Variants in PITPNM2 observed in about 807,000 individuals in gnomAD.
PITPNM2 encodes the protein phosphatidylinositol transfer protein membrane associated 2.
PITPNM2 carries 35 observed loss-of-function variants against 132.2 expected under a neutral mutation model. The ratio of observed to expected loss-of-function variants is 0.26; its 90% CI spans 0.20 to 0.35. The LOEUF (loss-of-function observed/expected upper bound fraction) is 0.35, where lower values mean the gene tolerates loss of function less well. Ranked by LOEUF, PITPNM2 falls within the 10% of genes least tolerant of loss-of-function variation. PITPNM2 has a pLI of 1.00. For synonymous variants in PITPNM2, 738 were observed against 799.2 expected (o/e 0.92, Z 1.29); for missense variants, 1,332 against 1,912.0 (o/e 0.70, Z 5.66).
At position 123,117,408 on chromosome 12, in the gene PITPNM2, CCT is replaced by C. The variant is rs68039205; in HGVS notation, c.-199-6922_-199-6921del. Among the ~76,000 whole-genome samples, 1,357 of 152,200 alleles carry C rather than the reference CCT, an allele frequency of 8.9e-3. 13 individuals are homozygous for C. Among genetic ancestry groups the C allele is most frequent in the Non-Finnish European group, 0.014 (927 of 68,020 alleles). Reference sequence around the variant, plus strand: ...GTGGACAGAGATATGGATGGGATTCCCTGAGTGCAGTGAAGTGATCATTGGCA... The same window carrying C: ...GTGGACAGAGATATGGATGGGATTCCGAGTGCAGTGAAGTGATCATTGGCA... On this transcript the variant is annotated intron_variant, in intron 1 of 25. Transcript: ENST00000320201. The surrounding 1 kb of genome is among the most constrained non-coding windows in gnomAD (Gnocchi z 4.7).
Position 123,005,180 on chromosome 12 carries a change from G to T in PITPNM2, c.952+60C>A. On this transcript the variant is annotated intron_variant, in intron 7 of 25. Transcript: ENST00000320201. The surrounding 1 kb of genome is among the most constrained non-coding windows in gnomAD (Gnocchi z 6.2). ...AGGAGGTGCAGTGATCCAGCAGTGT[G>T]TGGGGCTGCCTTGAGGGGAGGGACC... 1.9e-6 allele frequency: 3 copies of T among 1,548,250 alleles called. No individual in the cohort carries two copies. Among genetic ancestry groups the T allele is most frequent in the Non-Finnish European group, 1.8e-6 (2 of 1,138,414 alleles).
chr12:123,065,379 ACAGGGCTCTGC>A (rs1327157655), intron 2 of PITPNM2, among the ~76,000 whole-genome samples: 1 of 152,226 alleles, frequency 6.6e-6, no homozygotes, highest in African/African-American at 2.4e-5. Flanking sequence ...GGGACAGCGC[ACAGGGCTCTGC>A]CCAGAGCAGG....
At chr12:123,138,018 G>A (rs975152820) in intron 1 of PITPNM2, among the ~76,000 whole-genome samples, 2 of 152,172 alleles carry the variant, frequency 1.3e-5, no homozygotes, top group African/African-American at 4.8e-5. Context: ...TAGTTCAGTT[G>A]TCTTTTGTTG....
chr12:123,031,862 C>A lies in PITPNM2; in HGVS notation c.78+2651G>T, dbSNP rs927371238. Among the ~76,000 whole-genome samples, 3 of 152,238 alleles carry A rather than the reference C, an allele frequency of 2.0e-5. No homozygotes were observed. The highest frequency in any genetic ancestry group is 4.4e-5 in the Non-Finnish European group (3 of 68,048). On this transcript the variant is annotated intron_variant, in intron 3 of 25. Coordinates refer to ENST00000320201, the MANE Select transcript of PITPNM2 (RefSeq NM_020845.3). The surrounding 1 kb of genome is among the most constrained non-coding windows in gnomAD (Gnocchi z 4.5). The stretch of plus-strand genomic sequence containing the variant: ...CACCCAGAAGGTGCACAGGGAAAGG[C>A]TCTGGAAGCTCAGAGGAGCAGCAAT...
chr12:123,136,125 AC>A (rs1209128304), intron 1 of PITPNM2, among the ~76,000 whole-genome samples: 2 of 151,894 alleles, frequency 1.3e-5, no homozygotes, highest in Non-Finnish European at 2.9e-5. Flanking sequence ...ACTTGGTGAA[AC>A]CCTGTCTCTA....
At position 122,991,878 on chromosome 12, in the gene PITPNM2, G is replaced by T. The variant is rs1004135389; in HGVS notation, c.2404+621C>A. 4 of 1,313,526 alleles carry T rather than the reference G, an allele frequency of 3.0e-6. No individual in the cohort carries two copies. The African/African-American group carries it at 6.0e-5, about 20-fold the overall frequency. 81.4% of individuals were successfully genotyped at this position (1,313,526 alleles called of 1,614,324 possible). On this transcript the variant is annotated intron_variant, in intron 16 of 25. Coordinates refer to ENST00000320201, the MANE Select transcript of PITPNM2 (RefSeq NM_020845.3). The stretch of plus-strand genomic sequence containing the variant: ...GGGCCGCCCTCCAGGACCAGCTCAG[G>T]GTTTCTCTGCACGGTCTCGACTGGA...
At chr12:123,113,908 C>G (rs1200689603) in intron 1 of PITPNM2, among the ~76,000 whole-genome samples, 2 of 152,178 alleles carry the variant, frequency 1.3e-5, no homozygotes, top group Non-Finnish European at 2.9e-5. Context: ...ATGGGTTTGC[C>G]TATTCTAGAT....
rs2037814043 is a variant in PITPNM2, at chr12:122,983,665, T to A, written c.*2362A>T. 1 of 147,598 alleles carries A rather than the reference T, an allele frequency of 6.8e-6. No homozygotes were observed. The allele number at this position is 147,598 out of a possible 1,614,324, so 9.1% of individuals were successfully genotyped here. On this transcript the variant is annotated 3_prime_UTR_variant, in exon 26 of 26. Coordinates refer to ENST00000320201, the MANE Select transcript of PITPNM2 (RefSeq NM_020845.3). ...AGGGGCTGAGACGTGAAGGCTGTGA[T>A]GGGGTGGGCAGTGGGACTCAGACCG...
chr12:123,122,059 C>A (rs1341688329), intron 1 of PITPNM2, among the ~76,000 whole-genome samples: 2 of 152,200 alleles, frequency 1.3e-5, no homozygotes, highest in Non-Finnish European at 2.9e-5. Flanking sequence ...ACAATCATCA[C>A]TGCCATCTAC....
At chr12:123,020,887 A>G (rs1325495747) in intron 3 of PITPNM2, among the ~76,000 whole-genome samples, 3 of 151,978 alleles carry the variant, frequency 2.0e-5, no homozygotes, top group Non-Finnish European at 4.4e-5. Context: ...AAAAATAGCC[A>G]GGCGTGGTGG....
rs2038239543 is a variant in PITPNM2 at position 122,992,543 on chromosome 12, C to A, written c.2360G>T (p.Arg787Leu). ...FHALPPFSVP[R>L]YQRYPLGDGC... ...ATCCCCCAGCGGGTAGCGTTGGTAG[C>A]GGGGGACGCTGAAAGGCGGCAGGGC... Residue 787 changes from arginine (R) to leucine (L), a missense_variant, in exon 16 of 26, where the codon CGC (arginine) becomes CTC (leucine). Arg to Leu is a moderately radical substitution (Grantham distance 102, BLOSUM62 -2). Coordinates refer to ENST00000320201, the MANE Select transcript of PITPNM2 (RefSeq NM_020845.3). This position sits in a 1 kb window ranked among gnomAD's most constrained non-coding sequence, Gnocchi z 6.5. The A allele has an allele frequency of 6.2e-7, 1 of 1,611,016 alleles. No individual in the cohort carries two copies. Among genetic ancestry groups the A allele is most frequent in the African/African-American group, 1.3e-5 (1 of 74,768 alleles).
chr12:123,014,112 G>A, intron 3 of PITPNM2, 70 bp from the exon 4 acceptor site: 1 of 1,527,986 alleles, frequency 6.5e-7, no homozygotes, highest in Non-Finnish European at 9.0e-7. Context: ...GGGCACAGGA[G>A]ACTGGGCCCA....
intron 1 of PITPNM2, among the ~76,000 whole-genome samples, chr12:123,135,698 T>C (rs2043365425): frequency 6.6e-6 from 1 of 152,084 alleles, no homozygotes. Flanking sequence ...AGGATTTCCC[T>C]TTTTGTTTGG....
At chr12:123,135,649 A>G (rs2043363864) in intron 1 of PITPNM2, among the ~76,000 whole-genome samples, 2 of 152,236 alleles carry the variant, frequency 1.3e-5, no homozygotes, top group Admixed American at 1.3e-4. Flanking sequence ...TTCATGTAAC[A>G]TAATGTCCTA....
intron 1 of PITPNM2, among the ~76,000 whole-genome samples, chr12:123,129,783 TAGAG>T: frequency 6.6e-6 from 1 of 152,148 alleles, no homozygotes; most frequent in South Asian, 2.1e-4. Context: ...GAAAAATGCA[TAGAG>T]TTCTTGCCTA....
intron 2 of PITPNM2, among the ~76,000 whole-genome samples, chr12:123,044,811 T>C (rs1057365012): frequency 6.6e-6 from 1 of 152,068 alleles, no homozygotes; most frequent in Non-Finnish European, 1.5e-5. Flanking sequence ...GGAGATGGAG[T>C]CTCACTCTTT....
chr12:123,000,946 C>T lies in PITPNM2; in HGVS notation c.1154-98G>A, dbSNP rs1359500906. The T allele has an allele frequency of 2.1e-5, 33 of 1,553,016 alleles. No homozygotes were observed. The highest frequency in any genetic ancestry group is 2.9e-5 in the Non-Finnish European group (33 of 1,126,256). ...TGTGACGAGGGGAGCTTGGGGGTCC[C>T]CAACTCACATGTATGCCCAGCACTG... On this transcript the variant is annotated intron_variant, in intron 9 of 25. Transcript: ENST00000320201. This position sits in a 1 kb window ranked among gnomAD's most constrained non-coding sequence, Gnocchi z 5.4.
chr12:122,985,963 C>T lies in PITPNM2; in HGVS notation c.*64G>A, dbSNP rs2136027778. 7.5e-7 allele frequency: 1 copy of T among 1,334,134 alleles called. No homozygotes were observed. The highest frequency in any genetic ancestry group is 3.1e-5 in the East Asian group (1 of 32,054). 82.6% of individuals were successfully genotyped at this position (1,334,134 alleles called of 1,614,324 possible). On this transcript the variant is annotated 3_prime_UTR_variant, in exon 26 of 26. Coordinates refer to ENST00000320201, the MANE Select transcript of PITPNM2 (RefSeq NM_020845.3). ...GTCAGTGCGTGTGCCCAGGCCAGGC[C>T]TCCTGGCGGGGCTGGCCACCCTGGC...
At chr12:123,037,021 G>A (rs2136486520) in intron 2 of PITPNM2, among the ~76,000 whole-genome samples, 1 of 152,360 alleles carries the variant, frequency 6.6e-6, no homozygotes, top group East Asian at 1.9e-4. Flanking sequence ...GCCCTGTGGA[G>A]TTCTTCCCCA....
Sources: allele counts gnomAD v4.1 joint callset (sites outside exome capture counted in the v4.1 genomes callset), GRCh38; gene constraint gnomAD v4.1.1; non-coding constraint Gnocchi (gnomAD v3.1); transcripts MANE v1.5; gene names NCBI Gene and HGNC (gene_info 2026-07-23, HGNC 2026-07-21).